SDK2: variants seen among roughly 807,000 people sequenced by gnomAD.
SDK2 encodes the protein sidekick cell adhesion molecule 2, also known as protein sidekick-2.
Under a neutral mutation model 253.9 loss-of-function variants are expected in SDK2, and 105 were observed. The ratio of observed to expected loss-of-function variants is 0.41; its 90% CI spans 0.35 to 0.49. The LOEUF is 0.49. Ranked by LOEUF, SDK2 falls within the 20% of genes least tolerant of loss-of-function variation. SDK2 has a pLI of 0.06. For missense variants in SDK2, 2,608 were observed against 3,003.0 expected (o/e 0.87, Z 3.07); for synonymous variants, 1,249 against 1,234.9 (o/e 1.01, Z -0.24).
In SDK2 at chr17:73,380,923, C is replaced by T. The variant is rs777693190; in HGVS notation, c.4733G>A (p.Arg1578Gln). The change falls in exon 34 of 45, where the codon CGG becomes CAG. Residue 1578 changes from arginine (R) to glutamine (Q), a missense_variant. Physicochemically the swap from Arg to Gln is conservative, Grantham distance 43. Transcript: ENST00000392650. ...CAGCTCGTACTGCGTGAGGCTGGGC[C>T]GGCTCAGGTTCCGCATGGAGTACAT... The part of the protein sequence containing the change: ...TSMYSMRNLS[R>Q]PSLTQYELDN... 15 of 1,298,400 alleles carry T rather than the reference C, an allele frequency of 1.2e-5. No homozygotes were observed. Among genetic ancestry groups the T allele is most frequent in the East Asian group, 5.3e-5 (1 of 18,906 alleles). The allele number at this position is 1,298,400 out of a possible 1,614,324, so 80.4% of individuals were successfully genotyped here.
Position 73,629,367 on chromosome 17 carries a change from G to A in SDK2, c.64+14658C>T, listed in dbSNP as rs569259333. 2.0e-5 allele frequency among the ~76,000 whole-genome samples: 3 copies of A among 152,260 alleles called. No individual in the cohort carries two copies. Among genetic ancestry groups the A allele is most frequent in the East Asian group, 1.9e-4 (1 of 5,172 alleles). The stretch of plus-strand genomic sequence containing the variant: ...TTTAAGCTGCTGTTTCCCTCCTGAC[G>A]CTTGCATAGCTTCTATGAGATGGTT... On this transcript the variant is annotated intron_variant, in intron 1 of 44. Transcript: ENST00000392650. The surrounding 1 kb of genome is among the most constrained non-coding windows in gnomAD (Gnocchi z 5.0).
intron 12 of SDK2, among the ~76,000 whole-genome samples, chr17:73,425,546 C>T (rs866500053): frequency 2.0e-5 from 3 of 152,120 alleles, no homozygotes; most frequent in African/African-American, 4.8e-5. Flanking sequence ...CTGGCTCTGT[C>T]GCCCAGGCTG....
At chr17:73,590,465 T>A (rs906502) in intron 1 of SDK2, among the ~76,000 whole-genome samples, 2,285 of 152,328 alleles carry the variant, frequency 0.015, 68 homozygotes, top group African/African-American at 0.052. Context: ...GCAACACCAT[T>A]GCTCTGCCCC....
At chr17:73,558,321 C>T (rs1471422182) in intron 1 of SDK2, among the ~76,000 whole-genome samples, 1 of 152,086 alleles carries the variant, frequency 6.6e-6, no homozygotes, top group Admixed American at 6.5e-5. Flanking sequence ...TGGAACCTTC[C>T]AGAATTTCTC....
chr17:73,385,722 C>T (rs971991744), intron 32 of SDK2, 125 bp downstream of exon 32: 1 of 848,228 alleles, frequency 1.2e-6, no homozygotes, highest in African/African-American at 1.7e-5. Context: ...TCATGGCTTC[C>T]CAGGCGCTCT....
chr17:73,581,511 G>A (rs1411641798), intron 1 of SDK2, among the ~76,000 whole-genome samples: 1 of 152,218 alleles, frequency 6.6e-6, no homozygotes, highest in Non-Finnish European at 1.5e-5. Flanking sequence ...TGTGATAAGC[G>A]CACCTTCAAG....
At chr17:73,583,597 T>C (rs790085) in intron 1 of SDK2, among the ~76,000 whole-genome samples, 53,763 of 152,160 alleles carry the variant, frequency 0.35, 9,603 homozygotes, top group South Asian at 0.45. Flanking sequence ...CCCTGTGCGG[T>C]GTGCCCTGGC....
chr17:73,487,081 G>A (rs1174661033), intron 2 of SDK2, among the ~76,000 whole-genome samples: 5 of 152,018 alleles, frequency 3.3e-5, no homozygotes, highest in African/African-American at 4.8e-5. Context: ...CTACAGGCAC[G>A]CACCACCATG....
chr17:73,461,806 T>C (rs902632894), intron 3 of SDK2, among the ~76,000 whole-genome samples: 3 of 152,164 alleles, frequency 2.0e-5, no homozygotes, highest in Admixed American at 6.5e-5. Context: ...CTTACATGTA[T>C]GTATGTTTGG....
chr17:73,417,310 G>A (rs574601795), intron 16 of SDK2, among the ~76,000 whole-genome samples: 1 of 151,862 alleles, frequency 6.6e-6, no homozygotes, highest in Admixed American at 6.6e-5. Context: ...GGAGTCTGAG[G>A]CAGGAGGATC....
intron 1 of SDK2, among the ~76,000 whole-genome samples, chr17:73,528,875 T>TTGGACCA (rs2064147121): frequency 6.6e-6 from 1 of 152,168 alleles, no homozygotes; most frequent in African/African-American, 2.4e-5. Flanking sequence ...CCATTACCCT[T>TTGGACCA]TGGACCATGG....
chr17:73,586,553 C>T (rs2045605850), intron 1 of SDK2, among the ~76,000 whole-genome samples: 1 of 152,128 alleles, frequency 6.6e-6, no homozygotes, highest in Admixed American at 6.5e-5. Flanking sequence ...GTTGGTATCT[C>T]TGTGCACCCA....
intron 24 of SDK2, among the ~76,000 whole-genome samples, chr17:73,396,746 C>G (rs2145511741): frequency 6.6e-6 from 1 of 152,180 alleles, no homozygotes; most frequent in East Asian, 1.9e-4. Flanking sequence ...GCATCAGGCT[C>G]TAACCTTTTA....
chr17:73,410,776 CCTG>C (rs2063118870), intron 18 of SDK2, among the ~76,000 whole-genome samples: 1 of 152,234 alleles, frequency 6.6e-6, no homozygotes, highest in Non-Finnish European at 1.5e-5. Flanking sequence ...GCAATTCACT[CCTG>C]CTGACCTTTA....
At chr17:73,621,372 A>C (rs867301195) in intron 1 of SDK2, among the ~76,000 whole-genome samples, 4 of 152,232 alleles carry the variant, frequency 2.6e-5, no homozygotes, top group Admixed American at 1.3e-4. Context: ...TCTCTGACTT[A>C]TTGCAATGCC....
At chr17:73,348,787 T>C (rs2062508745) in intron 43 of SDK2, 62 bp from the exon 44 acceptor site, 6 of 1,459,330 alleles carry the variant, frequency 4.1e-6, no homozygotes, top group Non-Finnish European at 5.6e-6. Flanking sequence ...TCCCCTGGCC[T>C]AGGGAGACCA....
chr17:73,458,951 C>CCGAGATGGGGT (rs2063547000), intron 3 of SDK2, among the ~76,000 whole-genome samples: 1 of 152,138 alleles, frequency 6.6e-6, no homozygotes, highest in Non-Finnish European at 1.5e-5. Context: ...TTGCGGTGAG[C>CCGAGATGGGGT]CGAGATGGGG....
chr17:73,364,322 G>A (rs2062666165), intron 38 of SDK2, among the ~76,000 whole-genome samples: 1 of 152,156 alleles, frequency 6.6e-6, no homozygotes, highest in African/African-American at 2.4e-5. Flanking sequence ...GCTGGGGCCC[G>A]GAGGAAGGGG....
intron 1 of SDK2, among the ~76,000 whole-genome samples, chr17:73,633,873 G>A (rs1036155511): frequency 6.6e-6 from 1 of 152,136 alleles, no homozygotes; most frequent in Non-Finnish European, 1.5e-5. Flanking sequence ...AGGAGAACAG[G>A]GGTTCGAAAG....
Sources: allele counts gnomAD v4.1 joint callset (sites outside exome capture counted in the v4.1 genomes callset), GRCh38; gene constraint gnomAD v4.1.1; non-coding constraint Gnocchi (gnomAD v3.1); transcripts MANE v1.5; gene names NCBI Gene and HGNC (gene_info 2026-07-23, HGNC 2026-07-21).